SDK1: variants seen among roughly 807,000 people sequenced by gnomAD.
SDK1 encodes the protein protein sidekick-1.
A neutral mutation model predicts 245.5 loss-of-function variants in SDK1; 157 were observed. That is an observed-to-expected ratio of 0.64 (90% CI 0.56 to 0.73). The LOEUF (loss-of-function observed/expected upper bound fraction) is 0.73. Among genes scored for constraint, SDK1 ranks in the 30% least tolerant of loss-of-function variants. SDK1 has a pLI of 0.00. For missense variants in SDK1, 3,583 were observed against 3,002.3 expected (o/e 1.19, Z -4.52); for synonymous variants, 1,647 against 1,278.5 (o/e 1.29, Z -6.15).
intron 17 of SDK1, among the ~76,000 whole-genome samples, chr7:4,027,160 C>T (rs1787421829): frequency 1.3e-5 from 2 of 152,144 alleles, no homozygotes; most frequent in Non-Finnish European, 2.9e-5. Flanking sequence ...GCAAGTGGTC[C>T]CTGAATGGTC....
chr7:3,626,588 C>G (rs1009306589), intron 2 of SDK1, among the ~76,000 whole-genome samples: 1 of 152,212 alleles, frequency 6.6e-6, no homozygotes, highest in African/African-American at 2.4e-5. Flanking sequence ...GCCATGGATT[C>G]TCTAATTACA....
At chr7:3,675,357 G>A (rs1297485363) in intron 4 of SDK1, among the ~76,000 whole-genome samples, 1 of 152,166 alleles carries the variant, frequency 6.6e-6, no homozygotes, top group Non-Finnish European at 1.5e-5. Flanking sequence ...ACAGCTTCTG[G>A]TCTGTGGTCT....
At chr7:3,743,370 A>G (rs779661145) in intron 4 of SDK1, among the ~76,000 whole-genome samples, 2 of 152,192 alleles carry the variant, frequency 1.3e-5, no homozygotes, top group Non-Finnish European at 2.9e-5. Context: ...AACCCAAAAC[A>G]TTCAGCCCAT....
intron 3 of SDK1, among the ~76,000 whole-genome samples, chr7:3,640,317 T>C (rs1782609982): frequency 6.6e-6 from 1 of 152,226 alleles, no homozygotes; most frequent in African/African-American, 2.4e-5. Flanking sequence ...CAGAATTTCC[T>C]CATTTGTCAT....
chr7:4,106,095 G>T (rs1782883658), intron 22 of SDK1, among the ~76,000 whole-genome samples: 1 of 152,102 alleles, frequency 6.6e-6, no homozygotes, highest in Non-Finnish European at 1.5e-5. Flanking sequence ...CCAATCCATT[G>T]ATCCTGGCCC....
At chr7:3,771,117 G>A (rs946615157) in intron 4 of SDK1, among the ~76,000 whole-genome samples, 8 of 152,102 alleles carry the variant, frequency 5.3e-5, no homozygotes, top group African/African-American at 7.2e-5. Flanking sequence ...CATGTTTGGA[G>A]ATCAACTGGC....
In SDK1 at chr7:3,755,757, A is replaced by G. The variant is rs149691699; in HGVS notation, c.714-65693A>G. Among the ~76,000 whole-genome samples the G allele has an allele frequency of 7.4e-4, 113 of 152,280 alleles. 2 individuals are homozygous for G. In the East Asian group the frequency reaches 0.021, roughly 28 times the overall value. ...TTTTCAGAATATCACATAAATGGCT[A>G]CATGCAGTATGGAGCTTTTTGAACC... On this transcript the variant is annotated intron_variant, in intron 4 of 44. Coordinates refer to ENST00000404826, the MANE Select transcript of SDK1 (RefSeq NM_152744.4).
At chr7:3,914,020 A>T (rs1392092045) in intron 5 of SDK1, among the ~76,000 whole-genome samples, 1 of 152,184 alleles carries the variant, frequency 6.6e-6, no homozygotes, top group Non-Finnish European at 1.5e-5. Flanking sequence ...TTGCCCTATT[A>T]TAAAGGAAGA....
chr7:3,474,334 T>G (rs1781282339), intron 1 of SDK1, among the ~76,000 whole-genome samples: 1 of 151,786 alleles, frequency 6.6e-6, no homozygotes, highest in African/African-American at 2.4e-5. Context: ...GACCTCGTTG[T>G]CCGCCTGCCT....
intron 1 of SDK1, among the ~76,000 whole-genome samples, chr7:3,444,472 T>C (rs1042069682): frequency 2.0e-5 from 3 of 152,252 alleles, no homozygotes; most frequent in Non-Finnish European, 4.4e-5. Context: ...GATACAATTA[T>C]AGTAGCAGGT....
At chr7:4,069,756 C>G (rs975147172) in intron 20 of SDK1, among the ~76,000 whole-genome samples, 1 of 152,236 alleles carries the variant, frequency 6.6e-6, no homozygotes, top group East Asian at 1.9e-4. Context: ...GCAATGATGA[C>G]CCTGGCCACT....
chr7:3,314,729 T>C lies in SDK1; in HGVS notation c.298+12845T>C, dbSNP rs1779623736. 2.6e-5 allele frequency among the ~76,000 whole-genome samples: 4 copies of C among 152,350 alleles called. No homozygotes were observed. In the South Asian group the frequency reaches 8.3e-4, roughly 32 times the overall value. ...AAATATAAGTTGTGTTATGCTTTTA[T>C]ATAGATGAATACTTCATAGCAATTA... is the stretch of plus-strand genomic sequence containing the variant. On this transcript the variant is annotated intron_variant, in intron 1 of 44. Coordinates refer to ENST00000404826, the MANE Select transcript of SDK1 (RefSeq NM_152744.4).
chr7:4,055,547 GTTGTTGTTTTTGTTT>G (rs753003175), intron 19 of SDK1, among the ~76,000 whole-genome samples: 50 of 129,332 alleles, frequency 3.9e-4, no homozygotes, highest in Non-Finnish European at 6.8e-4. Context: ...TGTTGTTGTT[GTTGTTGTTTTTGTTT>G]TTTGTTTTTT....
At chr7:3,696,513 G>T (rs1158207364) in intron 4 of SDK1, among the ~76,000 whole-genome samples, 1 of 151,642 alleles carries the variant, frequency 6.6e-6, no homozygotes, top group Non-Finnish European at 1.5e-5. Flanking sequence ...TTTGGTGATG[G>T]TGCTCTGTAA....
At chr7:4,213,350 G>T (rs972576225) in intron 38 of SDK1, among the ~76,000 whole-genome samples, 4 of 151,744 alleles carry the variant, frequency 2.6e-5, no homozygotes, top group Non-Finnish European at 4.4e-5. Context: ...AGGCGGAGGT[G>T]GCAGTGAGCC....
chr7:4,061,172 T>G (rs1035385345), intron 19 of SDK1, among the ~76,000 whole-genome samples: 2 of 152,140 alleles, frequency 1.3e-5, no homozygotes, highest in South Asian at 4.1e-4. Flanking sequence ...TTTCCAATTC[T>G]GTGAAGAAAG....
intron 4 of SDK1, among the ~76,000 whole-genome samples, chr7:3,695,450 A>G (rs766987623): frequency 7.2e-5 from 11 of 152,126 alleles, no homozygotes; most frequent in South Asian, 6.2e-4. Flanking sequence ...TTTCTCTTAC[A>G]TATGTTTTTT....
intron 35 of SDK1, among the ~76,000 whole-genome samples, chr7:4,192,314 C>T (rs531867983): frequency 2.6e-5 from 4 of 152,158 alleles, no homozygotes; most frequent in Non-Finnish European, 5.9e-5. Context: ...CTCACTCTGT[C>T]GCCCAGGCTG....
chr7:3,435,337 T>C (rs1309190489), intron 1 of SDK1, among the ~76,000 whole-genome samples: 4 of 132,930 alleles, frequency 3.0e-5, no homozygotes, highest in Admixed American at 2.2e-4. Flanking sequence ...TTTTTTTTTT[T>C]TTTTTTTTTT....
Sources: allele counts gnomAD v4.1 joint callset (sites outside exome capture counted in the v4.1 genomes callset), GRCh38; gene constraint gnomAD v4.1.1; transcripts MANE v1.5; gene names NCBI Gene and HGNC (gene_info 2026-07-23, HGNC 2026-07-21).